C18orf54: variants seen among roughly 807,000 people sequenced by gnomAD.
The protein encoded by C18orf54 is lung adenoma susceptibility protein 2.
Under a neutral mutation model 49.3 loss-of-function variants are expected in C18orf54, and 49 were observed. The observed-to-expected ratio is 0.99, with a 90% CI of 0.79 to 1.26. C18orf54 has a LOEUF of 1.26. Among genes scored for constraint, C18orf54 ranks in the 50% most tolerant of loss-of-function variants. The pLI is 0.00. For synonymous variants in C18orf54, 211 were observed against 216.6 expected (o/e 0.97, Z 0.23); for missense variants, 687 against 620.6 (o/e 1.11, Z -1.14).
chr18:54,361,006 T>C (rs1437351278), intron 3 of C18orf54, 151 bp downstream of exon 3: 1 of 753,016 alleles, frequency 1.3e-6, no homozygotes, highest in African/African-American at 1.8e-5. Context: ...AAAATGATTA[T>C]ATAATTCTCT....
Position 54,365,786 on chromosome 18 carries a change from G to A in C18orf54, c.1291G>A (p.Gly431Arg). 12 of 1,593,382 alleles carry A rather than the reference G, an allele frequency of 7.5e-6. No homozygotes were observed. The highest frequency in any genetic ancestry group is 1.0e-5 in the Non-Finnish European group (12 of 1,166,602). The change falls in exon 6 of 9, where the codon GGG becomes AGG. Residue 431 changes from glycine (G) to arginine (R), a missense_variant. Transcript: ENST00000620105. ...QQTSRAKSAK[G>R]VLEDFLNNDN... ...AACTTCAAGGGCAAAGAGTGCTAAA[G>A]GGGTTCTTGAAGACTTTCTAAATAA... is the stretch of plus-strand genomic sequence containing the variant.
At chr18:54,372,631 G>A (rs895038312) in intron 7 of C18orf54, 34 bp downstream of exon 7, 1 of 1,521,624 alleles carries the variant, frequency 6.6e-7, no homozygotes, top group Non-Finnish European at 8.9e-7. Flanking sequence ...ATTGAGATTT[G>A]TGAATTTGTA....
Position 54,378,942 on chromosome 18 carries a change from T to C in C18orf54, c.*696T>C, listed in dbSNP as rs1410996857. 1.3e-5 allele frequency: 2 copies of C among 152,136 alleles called. No individual in the cohort carries two copies. The highest frequency in any genetic ancestry group is 2.9e-5 in the Non-Finnish European group (2 of 67,970). 9.4% of individuals were successfully genotyped at this position (152,136 alleles called of 1,614,324 possible). A position where few individuals can be genotyped will look rare whatever the true frequency, so the allele number is the denominator to read the frequency against. Reference sequence around the variant, plus strand: ...TTCCAAACCTTTTTTTGGAGAGATATTTAAGAATTTAATATTTTGATATTA... The same window carrying C: ...TTCCAAACCTTTTTTTGGAGAGATACTTAAGAATTTAATATTTTGATATTA... On this transcript the variant is annotated 3_prime_UTR_variant, in exon 9 of 9. Transcript: ENST00000620105.
chr18:54,368,147 C>A (rs1020178943), intron 6 of C18orf54, among the ~76,000 whole-genome samples: 18 of 151,882 alleles, frequency 1.2e-4, no homozygotes, highest in African/African-American at 4.4e-4. Context: ...TTTAAAAAAA[C>A]ATGATTTTGA....
intron 5 of C18orf54, 29 bp downstream of exon 5, chr18:54,362,950 T>A: frequency 6.4e-7 from 1 of 1,567,756 alleles, no homozygotes; most frequent in Non-Finnish European, 8.6e-7. Context: ...AAAAACTGTT[T>A]AGTTTTCCAA....
At chr18:54,374,904 A>G (rs1457585902) in intron 8 of C18orf54, among the ~76,000 whole-genome samples, 2 of 151,920 alleles carry the variant, frequency 1.3e-5, no homozygotes, top group East Asian at 3.9e-4. Context: ...TAGTCACACC[A>G]TTTCACTTGG....
intron 6 of C18orf54, among the ~76,000 whole-genome samples, chr18:54,371,083 C>T (rs946086017): frequency 2.9e-4 from 44 of 152,070 alleles, no homozygotes; most frequent in Admixed American, 2.7e-3. Flanking sequence ...CTATCACCAT[C>T]GTCCATCACC....
intron 8 of C18orf54, among the ~76,000 whole-genome samples, chr18:54,376,852 C>T (rs1260847616): frequency 6.6e-6 from 1 of 152,098 alleles, no homozygotes; most frequent in Admixed American, 6.5e-5. Flanking sequence ...CTACTAGTTT[C>T]CTTCCATCTC....
At chr18:54,362,513 C>T in intron 4 of C18orf54, 82 bp downstream of exon 4, 2 of 1,207,624 alleles carry the variant, frequency 1.7e-6, no homozygotes, top group Non-Finnish European at 2.2e-6. Flanking sequence ...GATGTGATAT[C>T]TGGGAGCTTT....
rs1318664553 is a variant in C18orf54, at chr18:54,362,356, A to G, written c.997A>G (p.Lys333Glu). Residue 333 changes from lysine to glutamate, a missense_variant, in exon 4 of 9, where the codon AAA becomes GAA. Lys to Glu is a moderately conservative substitution (Grantham distance 56, BLOSUM62 1). Coordinates refer to ENST00000620105, the MANE Select transcript of C18orf54 (RefSeq NM_001288980.2). ...SDDKELVNEY[K>E]CDFEHSQCQC... Reference sequence around the variant, plus strand: ...TGATAAAGAATTAGTTAATGAATACAAATGTGATTTTGAACATAGCCAGTG... The same window carrying G: ...TGATAAAGAATTAGTTAATGAATACGAATGTGATTTTGAACATAGCCAGTG... The G allele has an allele frequency of 1.3e-6, 2 of 1,535,888 alleles. No individual in the cohort carries two copies. Among genetic ancestry groups the G allele is most frequent in the Non-Finnish European group, 8.7e-7 (1 of 1,146,752 alleles).
At chr18:54,370,210 G>A (rs2089461732) in intron 6 of C18orf54, among the ~76,000 whole-genome samples, 1 of 150,698 alleles carries the variant, frequency 6.6e-6, no homozygotes, top group Non-Finnish European at 1.5e-5. Flanking sequence ...CCAGGAGGCG[G>A]AGCTTGCAGT....
At chr18:54,373,459 T>A (rs1445597968) in intron 7 of C18orf54, among the ~76,000 whole-genome samples, 1 of 151,842 alleles carries the variant, frequency 6.6e-6, no homozygotes, top group African/African-American at 2.4e-5. Context: ...GTTTTTAATT[T>A]TAGTCACCAT....
chr18:54,375,645 C>T (rs759377053), intron 8 of C18orf54, among the ~76,000 whole-genome samples: 7 of 151,676 alleles, frequency 4.6e-5, no homozygotes, highest in Non-Finnish European at 1.0e-4. Context: ...TTAATCACCA[C>T]AAAAATCGAT....
At chr18:54,371,300 G>GT (rs1162687443) in intron 6 of C18orf54, among the ~76,000 whole-genome samples, 2 of 152,126 alleles carry the variant, frequency 1.3e-5, no homozygotes, top group African/African-American at 4.8e-5. Flanking sequence ...GATCATCTAT[G>GT]TTGTAGCATT....
At chr18:54,370,052 G>A (rs756177581) in intron 6 of C18orf54, among the ~76,000 whole-genome samples, 15 of 151,996 alleles carry the variant, frequency 9.9e-5, no homozygotes, top group Non-Finnish European at 1.5e-4. Flanking sequence ...CGAGGCGAGC[G>A]GATCACGAGG....
chr18:54,379,047 T>C lies in C18orf54; in HGVS notation c.*801T>C, dbSNP rs1169374813. The C allele has an allele frequency of 6.6e-6, 1 of 152,130 alleles. No homozygotes were observed. Among genetic ancestry groups the C allele is most frequent in the African/African-American group, 2.4e-5 (1 of 41,452 alleles). The allele number at this position is 152,130 out of a possible 1,614,324, so 9.4% of individuals were successfully genotyped here. On this transcript the variant is annotated 3_prime_UTR_variant, in exon 9 of 9. Coordinates refer to ENST00000620105, the MANE Select transcript of C18orf54 (RefSeq NM_001288980.2). ...CTCAATGGCCAATTGCTTTATCAAA[T>C]TTGATAACTAAAACTTAAAATGAAT... is the stretch of plus-strand genomic sequence containing the variant.
At chr18:54,364,838 C>G (rs562591253) in intron 5 of C18orf54, among the ~76,000 whole-genome samples, 1 of 151,982 alleles carries the variant, frequency 6.6e-6, no homozygotes, top group Non-Finnish European at 1.5e-5. Flanking sequence ...AATAAAGAAG[C>G]ATGCTTATTA....
chr18:54,361,335 A>G (rs753384099), intron 3 of C18orf54, among the ~76,000 whole-genome samples: 1 of 152,188 alleles, frequency 6.6e-6, no homozygotes, highest in East Asian at 1.9e-4. Flanking sequence ...TGAGTGACCA[A>G]TGTTACTGTG....
rs753088233 is a variant in C18orf54 at position 54,374,213 on chromosome 18, G to A, written c.1459-1G>A. 1 of 1,566,288 alleles carries A rather than the reference G, an allele frequency of 6.4e-7. No homozygotes were observed. The highest frequency in any genetic ancestry group is 1.2e-5 in the South Asian group (1 of 83,296). On this transcript the variant is annotated splice_acceptor_variant, in intron 7 of 8. Coordinates refer to ENST00000620105, the MANE Select transcript of C18orf54 (RefSeq NM_001288980.2). LOFTEE classifies it high-confidence loss of function. ...GTTATATTTGGTGTTTTTAATAATA[G>A]GTTTCAGAAGATGATTTCTCTAAAT...
Sources: allele counts gnomAD v4.1 joint callset (sites outside exome capture counted in the v4.1 genomes callset), GRCh38; gene constraint gnomAD v4.1.1; transcripts MANE v1.5; gene names NCBI Gene and HGNC (gene_info 2026-07-23, HGNC 2026-07-21).